The following SIAH1 variants were observed in gnomAD, a reference collection of about 807,000 sequenced individuals.
SIAH1 encodes the protein siah E3 ubiquitin protein ligase 1.
SIAH1 carries 2 observed loss-of-function variants against 20.0 expected under a neutral mutation model. That is an observed-to-expected ratio of 0.10 (90% CI 0.04 to 0.31). The LOEUF (loss-of-function observed/expected upper bound fraction) is 0.31, where lower values mean the gene tolerates loss of function less well. Ranked by LOEUF, SIAH1 falls within the 10% of genes least tolerant of loss-of-function variation. The pLI, the probability that SIAH1 is intolerant of heterozygous loss-of-function variation, is 1.00. For missense variants in SIAH1, 119 were observed against 355.3 expected (o/e 0.33, Z 5.35); for synonymous variants, 118 against 125.3 (o/e 0.94, Z 0.39).
intron 1 of SIAH1, among the ~76,000 whole-genome samples, chr16:48,377,483 C>T (rs559402732): frequency 4.4e-4 from 67 of 151,852 alleles, no homozygotes; most frequent in African/African-American, 1.4e-3. Flanking sequence ...CTACACCTCC[C>T]GGGTTAAGTG....
chr16:48,382,003 G>T (rs570684909), intron 1 of SIAH1, among the ~76,000 whole-genome samples: 3 of 152,222 alleles, frequency 2.0e-5, no homozygotes, highest in Admixed American at 6.5e-5. Context: ...AAGTTGCTAT[G>T]AACCTAATGC....
intron 1 of SIAH1, among the ~76,000 whole-genome samples, chr16:48,368,070 T>G (rs1046916108): frequency 6.6e-6 from 1 of 152,238 alleles, no homozygotes; most frequent in Non-Finnish European, 1.5e-5. Context: ...TATTCTCAAT[T>G]CCACGTGGTA....
At chr16:48,382,104 C>T (rs1469359553) in intron 1 of SIAH1, among the ~76,000 whole-genome samples, 2 of 152,188 alleles carry the variant, frequency 1.3e-5, no homozygotes, top group African/African-American at 4.8e-5. Flanking sequence ...AGGCCAGGCA[C>T]AGCAGCTCAC....
At chr16:48,379,146 T>C (rs1772185769) in intron 1 of SIAH1, among the ~76,000 whole-genome samples, 1 of 151,918 alleles carries the variant, frequency 6.6e-6, no homozygotes, top group African/African-American at 2.4e-5. Context: ...TAATAAGTGA[T>C]AGAGCCAAGA....
chr16:48,383,437 C>G (rs1961351311), intron 1 of SIAH1, among the ~76,000 whole-genome samples: 1 of 152,182 alleles, frequency 6.6e-6, no homozygotes, highest in Non-Finnish European at 1.5e-5. Context: ...ATAATTTGAG[C>G]CAACAACTCC....
At chr16:48,376,915 G>GT (rs1026691092) in intron 1 of SIAH1, among the ~76,000 whole-genome samples, 1 of 152,156 alleles carries the variant, frequency 6.6e-6, no homozygotes, top group African/African-American at 2.4e-5. Context: ...CCAGGAAGAA[G>GT]TTTTTAACAG....
intron 1 of SIAH1, chr16:48,364,805 G>C (rs994783561): frequency 1.3e-5 from 2 of 152,536 alleles, no homozygotes; most frequent in Non-Finnish European, 2.9e-5. Flanking sequence ...GTCAACCAAT[G>C]CCTTTCAAAT....
upstream of SIAH1, among the ~76,000 whole-genome samples, chr16:48,386,077 T>A (rs1961457516): frequency 6.6e-6 from 1 of 152,144 alleles, no homozygotes; most frequent in South Asian, 2.1e-4. Context: ...AAGTCCCTAA[T>A]TAGGGACTCT....
At position 48,365,928 on chromosome 16, in the gene SIAH1, G is replaced by C. The variant is rs537581369; in HGVS notation, c.-2-3498C>G. On this transcript the variant is annotated intron_variant, in intron 1 of 1. Transcript: ENST00000394725. ...GGGAGAGCCATTTGGAGCCTCGGCC[G>C]GGGCTGGGCCTGCGTTGGGAACGCC... 4.5e-5 allele frequency: 55 copies of C among 1,219,334 alleles called. No homozygotes were observed. In the African/African-American group the frequency reaches 8.3e-4, roughly 18 times the overall value. The allele number at this position is 1,219,334 out of a possible 1,614,324, so 75.5% of individuals were successfully genotyped here. A position where few individuals can be genotyped will look rare whatever the true frequency, so the allele number is the denominator to read the frequency against.
intron 1 of SIAH1, among the ~76,000 whole-genome samples, chr16:48,382,662 TC>T (rs1288649590): frequency 1.3e-5 from 2 of 152,306 alleles, no homozygotes; most frequent in Non-Finnish European, 2.9e-5. Flanking sequence ...TCTGGGGATT[TC>T]ATACAGATTT....
chr16:48,381,381 G>C (rs1961288391), intron 1 of SIAH1, among the ~76,000 whole-genome samples: 1 of 152,156 alleles, frequency 6.6e-6, no homozygotes, highest in Non-Finnish European at 1.5e-5. Flanking sequence ...CTTACTATCT[G>C]ATCCAGCAAT....
At chr16:48,364,965 A>G (rs1960772088) in intron 1 of SIAH1, 2 of 165,098 alleles carry the variant, frequency 1.2e-5, no homozygotes, top group South Asian at 1.6e-4. Context: ...TCGGGCTCAC[A>G]TTACAATATA....
At position 48,383,169 on chromosome 16, in the gene SIAH1, G is replaced by A. The variant is rs557703574; in HGVS notation, c.-3+2035C>T. Among the ~76,000 whole-genome samples, 7 of 152,024 alleles carry A rather than the reference G, an allele frequency of 4.6e-5. No individual in the cohort carries two copies. The East Asian group carries it at 1.3e-3, about 29-fold the overall frequency. On this transcript the variant is annotated intron_variant, in intron 1 of 1. Coordinates refer to ENST00000394725, the MANE Select transcript of SIAH1 (RefSeq NM_003031.4). ...GTTATCAGTTTCACATCTATTATAC[G>A]TATTTCAGTTTAAAATATTAAATGT...
At chr16:48,365,456 G>A (rs943233793) in intron 1 of SIAH1, 19 of 1,613,812 alleles carry the variant, frequency 1.2e-5, no homozygotes, top group South Asian at 2.2e-5. Context: ...TACAGAGAAG[G>A]TGGAGTAGCC....
Position 48,362,705 on chromosome 16 carries a change from T to C in SIAH1, c.-2-275A>G. 3.3e-6 allele frequency: 1 copy of C among 305,790 alleles called. No individual in the cohort carries two copies. The highest frequency in any genetic ancestry group is 6.4e-6 in the Non-Finnish European group (1 of 155,438). The allele number at this position is 305,790 out of a possible 1,614,324, so 18.9% of individuals were successfully genotyped here. ...TCGTCTTTGGATAGACTACATAGAA[T>C]AATAAATGCTAAAATAGAAAATGGA... On this transcript the variant is annotated intron_variant, in intron 1 of 1. Coordinates refer to ENST00000394725, the MANE Select transcript of SIAH1 (RefSeq NM_003031.4). The surrounding 1 kb of genome is among the most constrained non-coding windows in gnomAD (Gnocchi z 4.2).
At chr16:48,379,384 GCA>G (rs995557246) in intron 1 of SIAH1, among the ~76,000 whole-genome samples, 4 of 152,154 alleles carry the variant, frequency 2.6e-5, no homozygotes, top group Admixed American at 2.6e-4. Flanking sequence ...ATGACCAAAG[GCA>G]CAGAGATGCT....
chr16:48,369,951 T>A (rs919081751), intron 1 of SIAH1, among the ~76,000 whole-genome samples: 25 of 152,236 alleles, frequency 1.6e-4, no homozygotes, highest in Non-Finnish European at 2.9e-5. Flanking sequence ...TAACTCTCCA[T>A]CTTAGTCTAA....
chr16:48,376,744 TTAAC>T (rs1281725403), intron 1 of SIAH1, among the ~76,000 whole-genome samples: 8 of 152,298 alleles, frequency 5.3e-5, no homozygotes, highest in Non-Finnish European at 8.8e-5. Flanking sequence ...TCTGCAAAAA[TTAAC>T]TAACGTCTGT....
intron 1 of SIAH1, among the ~76,000 whole-genome samples, chr16:48,380,451 C>CA (rs200621608): frequency 3.4e-5 from 5 of 145,614 alleles, no homozygotes; most frequent in Admixed American, 2.1e-4. Context: ...ACTCTGTCTC[C>CA]AAAAAAACAA....
Sources: allele counts gnomAD v4.1 joint callset (sites outside exome capture counted in the v4.1 genomes callset), GRCh38; gene constraint gnomAD v4.1.1; non-coding constraint Gnocchi (gnomAD v3.1); transcripts MANE v1.5; gene names NCBI Gene and HGNC (gene_info 2026-07-23, HGNC 2026-07-21).